CACNA2D3: variants seen among roughly 807,000 people sequenced by gnomAD.
The protein encoded by CACNA2D3 is calcium voltage-gated channel auxiliary subunit alpha2delta 3.
CACNA2D3 carries 60 observed loss-of-function variants against 160.6 expected under a neutral mutation model. That is an observed-to-expected ratio of 0.37 (90% CI 0.30 to 0.46). CACNA2D3 has a LOEUF of 0.46. Among genes scored for constraint, CACNA2D3 ranks in the 20% least tolerant of loss-of-function variants. The probability of loss-of-function intolerance (pLI) is 1.00; values close to 1 mark genes in which losing one functional copy is unlikely to be tolerated. For missense variants in CACNA2D3, 1,205 were observed against 1,365.0 expected, an observed-to-expected ratio of 0.88 and a Z score of 1.85; for synonymous variants, 558 against 492.9, an observed-to-expected ratio of 1.13 and a Z score of -1.75.
chr3:54,413,825 A>G (rs901228888), intron 4 of CACNA2D3, among the ~76,000 whole-genome samples: 2 of 150,748 alleles, frequency 1.3e-5, no homozygotes, highest in African/African-American at 2.4e-5. Context: ...CTTTGAATAT[A>G]CTGACAATAA....
intron 33 of CACNA2D3, 146 bp from the exon 34 acceptor site, chr3:55,009,242 G>T: frequency 1.4e-6 from 1 of 689,682 alleles, no homozygotes. Flanking sequence ...TGAAAATTTA[G>T]TAGTAACTCA....
rs74527884 is a variant in CACNA2D3, at chr3:54,585,047, A to G, written c.963+3170A>G. Among the ~76,000 whole-genome samples the G allele has an allele frequency of 9.2e-5, 14 of 152,334 alleles. No individual in the cohort carries two copies. The East Asian group carries it at 2.7e-3, about 29-fold the overall frequency. On this transcript the variant is annotated intron_variant, in intron 9 of 37. Coordinates refer to ENST00000474759, the MANE Select transcript of CACNA2D3 (RefSeq NM_018398.3). Reference sequence around the variant, plus strand: ...GAATTCTCTAAACAGAAAGGAAATAAGGAAAGAAAGCTTGGAAATTCAGAA... The same window carrying G: ...GAATTCTCTAAACAGAAAGGAAATAGGGAAAGAAAGCTTGGAAATTCAGAA...
intron 27 of CACNA2D3, among the ~76,000 whole-genome samples, chr3:54,957,299 A>T (rs1199757860): frequency 6.6e-6 from 1 of 151,930 alleles, no homozygotes; most frequent in Non-Finnish European, 1.5e-5. Context: ...GGTGTACGCC[A>T]CTGCACTCAG....
Position 55,074,230 on chromosome 3 carries a change from T to G in CACNA2D3, c.*24T>G. 3.5e-6 allele frequency: 4 copies of G among 1,129,354 alleles called. No individual in the cohort carries two copies. Among genetic ancestry groups the G allele is most frequent in the Non-Finnish European group, 3.8e-6 (3 of 779,646 alleles). 70.0% of individuals were successfully genotyped at this position (1,129,354 alleles called of 1,614,324 possible). A position where few individuals can be genotyped will look rare whatever the true frequency, so the allele number is the denominator to read the frequency against. ...GACACTGACTGAGATGTTCTCTTAC[T>G]GACTGAGATGTTCTCTTGGCATGCT... On this transcript the variant is annotated 3_prime_UTR_variant, in exon 38 of 38. Coordinates refer to ENST00000474759, the MANE Select transcript of CACNA2D3 (RefSeq NM_018398.3).
chr3:54,206,408 T>C (rs1701277739), intron 2 of CACNA2D3, among the ~76,000 whole-genome samples: 1 of 152,176 alleles, frequency 6.6e-6, no homozygotes, highest in Non-Finnish European at 1.5e-5. Flanking sequence ...AAAACTCTAT[T>C]GAGATGGTGT....
chr3:54,518,328 G>A (rs554637848), intron 5 of CACNA2D3, among the ~76,000 whole-genome samples: 1 of 152,144 alleles, frequency 6.6e-6, no homozygotes, highest in East Asian at 1.9e-4. Context: ...AGAAAGAATG[G>A]CAAGGAATGG....
At chr3:54,789,310 A>G (rs905967571) in intron 13 of CACNA2D3, among the ~76,000 whole-genome samples, 4 of 152,206 alleles carry the variant, frequency 2.6e-5, no homozygotes, top group African/African-American at 9.6e-5. Flanking sequence ...TAGAATGCAA[A>G]TGTTCAAAAA....
At chr3:54,965,890 G>A (rs1042251404) in intron 27 of CACNA2D3, among the ~76,000 whole-genome samples, 1 of 152,112 alleles carries the variant, frequency 6.6e-6, no homozygotes, top group South Asian at 2.1e-4. Flanking sequence ...TCTAGTTCAG[G>A]GCATCAGGAC....
intron 2 of CACNA2D3, among the ~76,000 whole-genome samples, chr3:54,190,052 T>A (rs1007274213): frequency 6.6e-6 from 1 of 152,206 alleles, no homozygotes; most frequent in Non-Finnish European, 1.5e-5. Context: ...GGAGGGCCTG[T>A]TTCCTAGTTC....
At chr3:54,838,755 C>T (rs181627247) in intron 16 of CACNA2D3, 107 bp downstream of exon 16, 348 of 819,746 alleles carry the variant, frequency 4.2e-4, no homozygotes, top group Non-Finnish European at 6.0e-4. Context: ...TTTTTGCTCA[C>T]CACTATTACA....
At chr3:54,280,485 T>G (rs1702851772) in intron 2 of CACNA2D3, among the ~76,000 whole-genome samples, 1 of 152,090 alleles carries the variant, frequency 6.6e-6, no homozygotes, top group African/African-American at 2.4e-5. Flanking sequence ...CTGTATTCAT[T>G]AAAGTTCTAA....
intron 2 of CACNA2D3, among the ~76,000 whole-genome samples, chr3:54,243,672 T>G (rs1369742352): frequency 6.6e-6 from 1 of 152,186 alleles, no homozygotes; most frequent in Non-Finnish European, 1.5e-5. Context: ...GTCCCCTCCC[T>G]GCTATACATA....
At chr3:54,790,534 A>G (rs1170311475) in intron 13 of CACNA2D3, among the ~76,000 whole-genome samples, 6 of 152,160 alleles carry the variant, frequency 3.9e-5, no homozygotes, top group Admixed American at 2.0e-4. Context: ...TGTTTCACAA[A>G]CTTTAAAAAC....
intron 11 of CACNA2D3, among the ~76,000 whole-genome samples, chr3:54,679,442 C>G (rs1176745166): frequency 3.9e-5 from 6 of 152,168 alleles, no homozygotes; most frequent in African/African-American, 9.7e-5. Flanking sequence ...ACTGAGCACT[C>G]CATATCCTCT....
intron 11 of CACNA2D3, among the ~76,000 whole-genome samples, chr3:54,752,136 A>G (rs1701868821): frequency 6.6e-6 from 1 of 152,190 alleles, no homozygotes; most frequent in African/African-American, 2.4e-5. Context: ...CAGACACCAC[A>G]GATGGTAAGA....
chr3:54,454,225 G>C (rs1005912250), intron 4 of CACNA2D3, among the ~76,000 whole-genome samples: 22 of 152,180 alleles, frequency 1.4e-4, no homozygotes, highest in Admixed American at 1.1e-3. Flanking sequence ...CTTTAGTAAA[G>C]TATAATTTGC....
intron 2 of CACNA2D3, among the ~76,000 whole-genome samples, chr3:54,191,436 T>TCATCATCATCATC (rs1700982157): frequency 6.8e-6 from 1 of 147,546 alleles, no homozygotes; most frequent in African/African-American, 2.5e-5. Context: ...ATCATCATCA[T>TCATCATCATCATC]ATCTAATTTA....
chr3:54,230,668 T>G (rs994008975), intron 2 of CACNA2D3, among the ~76,000 whole-genome samples: 9 of 152,220 alleles, frequency 5.9e-5, no homozygotes, highest in African/African-American at 2.2e-4. Flanking sequence ...CAATAATTTG[T>G]GTGAGAGATT....
At chr3:54,886,949 T>TTTTTTTTTTG (rs1553905692) in intron 23 of CACNA2D3, among the ~76,000 whole-genome samples, 1 of 148,690 alleles carries the variant, frequency 6.7e-6, no homozygotes, top group Admixed American at 6.7e-5. Flanking sequence ...TTTTTTTTTT[T>TTTTTTTTTTG]GCCCCCAGTC....
Sources: gnomAD v4.1 joint callset for allele counts (sites outside exome capture counted in the v4.1 genomes callset) on GRCh38, gnomAD v4.1.1 for gene constraint, MANE v1.5 for transcripts, NCBI Gene and HGNC (gene_info 2026-07-23, HGNC 2026-07-21) for gene names.